Variants in PSMA1 observed in about 807,000 individuals in gnomAD.
PSMA1 encodes proteasome subunit alpha type-1.
Under a neutral mutation model 38.4 loss-of-function variants are expected in PSMA1, and 3 were observed. The observed-to-expected ratio is 0.08, with a 90% CI of 0.04 to 0.20. PSMA1 has a LOEUF of 0.20. Among genes scored for constraint, PSMA1 ranks in the 10% least tolerant of loss-of-function variants. The pLI, the probability that PSMA1 is intolerant of heterozygous loss-of-function variation, is 1.00. For missense variants in PSMA1, 227 were observed against 325.3 expected (o/e 0.70, Z 2.32); for synonymous variants, 101 against 107.1 (o/e 0.94, Z 0.35).
intron 1 of PSMA1, among the ~76,000 whole-genome samples, chr11:14,628,122 T>A (rs1203685968): frequency 6.6e-6 from 1 of 152,176 alleles, no homozygotes; most frequent in South Asian, 2.1e-4. Context: ...GGGATCTAGG[T>A]TGCATGCTCC....
chr11:14,561,277 T>C lies in PSMA1; in HGVS notation c.22-42236A>G, dbSNP rs148761819. Among the ~76,000 whole-genome samples the C allele has an allele frequency of 7.9e-5, 12 of 152,342 alleles. No homozygotes were observed. The East Asian group carries it at 2.3e-3, about 29-fold the overall frequency. The stretch of plus-strand genomic sequence containing the variant: ...TGCTGACTCAAAACAGCTCCTTCAA[T>C]ATCCGTTGAACTGAGCTTTGATCAT... On this transcript the variant is annotated intron_variant, in intron 2 of 10. Transcript: ENST00000418988.
rs1851684487 is a variant in PSMA1 at position 14,534,775 on chromosome 11, AAAAC to A, written c.22-15738_22-15735del. Among the ~76,000 whole-genome samples, 1 of 71,968 alleles carries A rather than the reference AAAAC, an allele frequency of 1.4e-5. No homozygotes were observed. The highest frequency in any genetic ancestry group is 3.9e-5 in the Non-Finnish European group (1 of 25,350). The allele number at this position is 71,968 out of a possible 152,430, so 47.2% of individuals were successfully genotyped here. ...CATATGCATATTTAAAAAAATTAAA[AAAAC>A]AAACAAACCTGCTTATAGGAGGCCA... On this transcript the variant is annotated intron_variant, in intron 2 of 10. Coordinates refer to the PSMA1 transcript ENST00000418988. The surrounding 1 kb of genome is among the most constrained non-coding windows in gnomAD (Gnocchi z 4.5).
At chr11:14,545,088 C>T (rs1851811913) in intron 2 of PSMA1, among the ~76,000 whole-genome samples, 1 of 152,106 alleles carries the variant, frequency 6.6e-6, no homozygotes, top group South Asian at 2.1e-4. Flanking sequence ...ATGCTGTAAA[C>T]TTAGATTATA....
intron 2 of PSMA1, among the ~76,000 whole-genome samples, chr11:14,567,829 T>A (rs1249480179): frequency 6.6e-6 from 1 of 152,208 alleles, no homozygotes; most frequent in African/African-American, 2.4e-5. Context: ...AATAATAGCG[T>A]TGCAGTGCTG....
chr11:14,529,500 C>T (rs1056618952), intron 2 of PSMA1, among the ~76,000 whole-genome samples: 1 of 152,168 alleles, frequency 6.6e-6, no homozygotes, highest in Non-Finnish European at 1.5e-5. Flanking sequence ...TGCCCCCACC[C>T]CAACTCCCAT....
chr11:14,611,410 A>T (rs555923661), intron 1 of PSMA1, among the ~76,000 whole-genome samples: 195 of 152,326 alleles, frequency 1.3e-3, no homozygotes, highest in South Asian at 6.2e-3. Flanking sequence ...AAATGTTAAC[A>T]ATTATATAGC....
chr11:14,561,686 T>C (rs573642972), intron 2 of PSMA1, among the ~76,000 whole-genome samples: 9 of 152,304 alleles, frequency 5.9e-5, no homozygotes, highest in Non-Finnish European at 8.8e-5. Context: ...TGTGGGATGA[T>C]AGACTATCTG....
At chr11:14,603,432 C>A (rs909355559) in intron 2 of PSMA1, among the ~76,000 whole-genome samples, 6 of 152,170 alleles carry the variant, frequency 3.9e-5, no homozygotes, top group African/African-American at 1.4e-4. Flanking sequence ...CTCTAGATTT[C>A]TTTCAAGCAA....
At chr11:14,597,541 T>G (rs953536834) in intron 2 of PSMA1, among the ~76,000 whole-genome samples, 4 of 152,240 alleles carry the variant, frequency 2.6e-5, no homozygotes, top group East Asian at 3.8e-4. Context: ...TAGAGGTGTT[T>G]ATAGCATTCT....
intron 1 of PSMA1, among the ~76,000 whole-genome samples, chr11:14,625,443 C>T (rs1393072446): frequency 6.6e-6 from 1 of 152,118 alleles, no homozygotes. Context: ...AGTGAAACTC[C>T]ATCTCAAAAA....
intron 2 of PSMA1, among the ~76,000 whole-genome samples, chr11:14,531,103 C>A (rs1166418461): frequency 1.3e-5 from 2 of 152,082 alleles, no homozygotes; most frequent in African/African-American, 4.8e-5. Context: ...TAGATATTCT[C>A]TGATAACCCT....
At chr11:14,573,562 A>G (rs1450546295) in intron 2 of PSMA1, among the ~76,000 whole-genome samples, 1 of 152,240 alleles carries the variant, frequency 6.6e-6, no homozygotes, top group Non-Finnish European at 1.5e-5. Flanking sequence ...TATCATATTG[A>G]ATGGGCAAAA....
At chr11:14,556,799 G>A (rs536251830) in intron 2 of PSMA1, among the ~76,000 whole-genome samples, 1 of 152,220 alleles carries the variant, frequency 6.6e-6, no homozygotes, top group South Asian at 2.1e-4. Flanking sequence ...CTATTTGTTG[G>A]AAGACTATCT....
At chr11:14,642,857 G>C (rs1167820113) in intron 1 of PSMA1, among the ~76,000 whole-genome samples, 2 of 152,082 alleles carry the variant, frequency 1.3e-5, no homozygotes, top group Non-Finnish European at 2.9e-5. Context: ...TTCCTTCAAG[G>C]CCTGCTGATC....
chr11:14,520,626 C>G, upstream of PSMA1: 3 of 554,336 alleles, frequency 5.4e-6, no homozygotes, highest in Non-Finnish European at 8.8e-6. Context: ...GGCGGATTCC[C>G]TCCAGTTTCT....
intron 2 of PSMA1, 124 bp from the exon 3 acceptor site, chr11:14,518,105 C>CTT (rs879358641): frequency 3.8e-4 from 201 of 528,172 alleles, no homozygotes; most frequent in Admixed American, 5.9e-4. Flanking sequence ...ATCAAGAGAC[C>CTT]TTTTTTTTTT....
At chr11:14,630,951 G>T (rs866148509) in intron 1 of PSMA1, among the ~76,000 whole-genome samples, 1 of 152,116 alleles carries the variant, frequency 6.6e-6, no homozygotes, top group Non-Finnish European at 1.5e-5. Context: ...GTTTATTTGC[G>T]TAGAGGTGTT....
chr11:14,541,355 G>C (rs1851771472), intron 2 of PSMA1, among the ~76,000 whole-genome samples: 1 of 152,160 alleles, frequency 6.6e-6, no homozygotes, highest in African/African-American at 2.4e-5. Context: ...TTGACCCCCA[G>C]GCTCAGTCTA....
At chr11:14,531,817 C>T (rs970027534) in intron 2 of PSMA1, among the ~76,000 whole-genome samples, 7 of 152,116 alleles carry the variant, frequency 4.6e-5, no homozygotes, top group African/African-American at 1.7e-4. Context: ...TTATAGATTG[C>T]ATCAGTAAGA....
Sources: allele counts gnomAD v4.1 joint callset (sites outside exome capture counted in the v4.1 genomes callset), GRCh38; gene constraint gnomAD v4.1.1; non-coding constraint Gnocchi (gnomAD v3.1); transcripts MANE v1.5; gene names NCBI Gene and HGNC (gene_info 2026-07-23, HGNC 2026-07-21).